FHOD3: variants seen among roughly 807,000 people sequenced by gnomAD.
The protein encoded by FHOD3 is formin homology 2 domain containing 3, also known as FH1/FH2 domain-containing protein 3.
Under a neutral mutation model 173.0 loss-of-function variants are expected in FHOD3, and 90 were observed. That is an observed-to-expected ratio of 0.52 (90% confidence interval 0.44 to 0.62). FHOD3 has a LOEUF of 0.62. FHOD3 is among the 20% of genes least tolerant of loss of function. The pLI, the probability that FHOD3 is intolerant of heterozygous loss-of-function variation, is 0.00. For missense variants in FHOD3, 1,945 were observed against 2,034.7 expected, an observed-to-expected ratio of 0.96 and a Z score of 0.85; for synonymous variants, 828 against 823.0, an observed-to-expected ratio of 1.01 and a Z score of -0.10.
intron 3 of FHOD3, among the ~76,000 whole-genome samples, chr18:36,430,700 T>A (rs2147239824): frequency 6.6e-6 from 1 of 151,982 alleles, no homozygotes; most frequent in Middle Eastern, 3.4e-3. Flanking sequence ...TAGCTAGGAG[T>A]GAGTATTACT....
chr18:36,768,433 A>G (rs1008030049), intron 27 of FHOD3, among the ~76,000 whole-genome samples: 6 of 152,236 alleles, frequency 3.9e-5, no homozygotes, highest in Admixed American at 3.9e-4. Context: ...CCATGTATAT[A>G]GAGGGCTGTA....
At chr18:36,541,306 T>C (rs1159725864) in intron 5 of FHOD3, among the ~76,000 whole-genome samples, 1 of 147,446 alleles carries the variant, frequency 6.8e-6, no homozygotes, top group Non-Finnish European at 1.5e-5. Context: ...TGGCAGGGCG[T>C]GGTGCCTCAT....
In FHOD3 at chr18:36,473,995, A is replaced by G. The variant is rs187230539; in HGVS notation, c.338-27937A>G. Reference sequence around the variant, plus strand: ...TGATCCCACATCCCACCCTTCCTGTAGGATATGCTCATATGGCAGTGACAT... The same window carrying G: ...TGATCCCACATCCCACCCTTCCTGTGGGATATGCTCATATGGCAGTGACAT... On this transcript the variant is annotated intron_variant, in intron 3 of 28. Coordinates refer to ENST00000590592, the MANE Select transcript of FHOD3 (RefSeq NM_001281740.3). Among the ~76,000 whole-genome samples the G allele has an allele frequency of 1.9e-4, 29 of 152,360 alleles. 1 individual carries two copies. Among genetic ancestry groups the G allele is most frequent in the Admixed American group, 1.6e-3 (24 of 15,306 alleles).
chr18:36,312,597 T>C (rs57497930), intron 1 of FHOD3, among the ~76,000 whole-genome samples: 35,491 of 152,176 alleles, frequency 0.23, 7,850 homozygotes, highest in African/African-American at 0.59. Flanking sequence ...CAGCAATCCC[T>C]GCTCTGTCAG....
intron 28 of FHOD3, among the ~76,000 whole-genome samples, chr18:36,775,353 G>A (rs1023547673): frequency 2.0e-5 from 3 of 152,216 alleles, no homozygotes; most frequent in Admixed American, 6.5e-5. Flanking sequence ...TCGATTTCCT[G>A]TTGATGTGAA....
At chr18:36,696,992 ATGATTCTGAAAGCACCTAAG>A in intron 17 of FHOD3, among the ~76,000 whole-genome samples, 1 of 152,232 alleles carries the variant, frequency 6.6e-6, no homozygotes, top group East Asian at 1.9e-4. Context: ...AAACTCATAG[ATGATTCTGAAAGCACCTAAG>A]TGATTCTCTT....
At chr18:36,554,567 G>A (rs945684007) in intron 5 of FHOD3, among the ~76,000 whole-genome samples, 21 of 152,046 alleles carry the variant, frequency 1.4e-4, no homozygotes, top group Non-Finnish European at 2.9e-4. Context: ...ACACCACCAT[G>A]GCACATGTAT....
At chr18:36,343,036 G>C (rs1202092551) in intron 1 of FHOD3, among the ~76,000 whole-genome samples, 1 of 152,188 alleles carries the variant, frequency 6.6e-6, no homozygotes, top group Non-Finnish European at 1.5e-5. Flanking sequence ...TGGTGAGATT[G>C]TAGAGAAATT....
At chr18:36,387,740 C>G (rs1175264885) in intron 3 of FHOD3, among the ~76,000 whole-genome samples, 1 of 152,174 alleles carries the variant, frequency 6.6e-6, no homozygotes, top group Non-Finnish European at 1.5e-5. Context: ...CTCCCTGCTG[C>G]TCCTCCACCC....
chr18:36,761,785 C>A (rs2042892071), intron 27 of FHOD3, among the ~76,000 whole-genome samples: 1 of 152,072 alleles, frequency 6.6e-6, no homozygotes, highest in Non-Finnish European at 1.5e-5. Context: ...TTTCTTCTCT[C>A]GGTGTTTGCT....
intron 1 of FHOD3, among the ~76,000 whole-genome samples, chr18:36,349,443 TA>T (rs1379456701): frequency 6.6e-6 from 1 of 152,220 alleles, no homozygotes; most frequent in African/African-American, 2.4e-5. Flanking sequence ...TGAAGTGCCA[TA>T]AGCACTTGCG....
intron 5 of FHOD3, among the ~76,000 whole-genome samples, chr18:36,540,512 T>C (rs1332902084): frequency 6.6e-6 from 1 of 152,174 alleles, no homozygotes; most frequent in East Asian, 1.9e-4. Context: ...TAGGGGACTT[T>C]TGTTTAAATT....
At chr18:36,328,146 G>C (rs567649121) in intron 1 of FHOD3, among the ~76,000 whole-genome samples, 2 of 152,334 alleles carry the variant, frequency 1.3e-5, no homozygotes, top group Admixed American at 1.3e-4. Context: ...CAGTGGCCAG[G>C]ACAAAGTTCC....
At chr18:36,371,841 A>C (rs1426476783) in intron 2 of FHOD3, among the ~76,000 whole-genome samples, 1 of 151,448 alleles carries the variant, frequency 6.6e-6, no homozygotes, top group East Asian at 1.9e-4. Flanking sequence ...TCCCGCTTCC[A>C]AGAGCCCTGC....
chr18:36,624,902 C>A (rs2148789526), intron 9 of FHOD3, among the ~76,000 whole-genome samples: 1 of 152,330 alleles, frequency 6.6e-6, no homozygotes, highest in Middle Eastern at 3.4e-3. Context: ...AGGCTCCACT[C>A]CAAATCCTGA....
At chr18:36,326,403 A>G (rs747695468) in intron 1 of FHOD3, among the ~76,000 whole-genome samples, 4 of 152,226 alleles carry the variant, frequency 2.6e-5, no homozygotes, top group Non-Finnish European at 5.9e-5. Context: ...AGAACTGAAA[A>G]TTCTATTCAC....
chr18:36,482,858 CAGAGAGAGAGAGAG>C (rs138052316), intron 3 of FHOD3, among the ~76,000 whole-genome samples: 3,444 of 130,316 alleles, frequency 0.026, 85 homozygotes, highest in African/African-American at 0.054. Flanking sequence ...CACACACACA[CAGAGAGAGAGAGAG>C]AGAGAGAGAG....
intron 15 of FHOD3, among the ~76,000 whole-genome samples, chr18:36,681,843 G>T (rs555043243): frequency 2.2e-4 from 34 of 152,214 alleles, no homozygotes; most frequent in Non-Finnish European, 5.0e-4. Flanking sequence ...TCCTATCCAG[G>T]CCCTCCGGAT....
intron 23 of FHOD3, among the ~76,000 whole-genome samples, chr18:36,745,040 C>T (rs1348732334): frequency 6.6e-6 from 1 of 152,112 alleles, no homozygotes; most frequent in African/African-American, 2.4e-5. Context: ...TGGAATCCAG[C>T]ATGAGAGGAA....
Sources: gnomAD v4.1 joint callset for allele counts (sites outside exome capture counted in the v4.1 genomes callset) on GRCh38, gnomAD v4.1.1 for gene constraint, MANE v1.5 for transcripts, NCBI Gene and HGNC (gene_info 2026-07-23, HGNC 2026-07-21) for gene names.